Variants in CNBD1 observed in about 807,000 individuals in gnomAD.
CNBD1 encodes cyclic nucleotide binding domain containing 1, also known as cyclic nucleotide-binding domain-containing protein 1.
In CNBD1, 71 loss-of-function variants were observed where a neutral mutation model predicts 54.4. The observed-to-expected ratio is 1.30, with a 90% CI of 1.08 to 1.59. The LOEUF (loss-of-function observed/expected upper bound fraction) is 1.59, where lower values mean the gene tolerates loss of function less well. CNBD1 is among the 40% of genes most tolerant of loss of function. The probability of loss-of-function intolerance (pLI) is 0.00; values close to 1 mark genes in which losing one functional copy is unlikely to be tolerated. For missense variants in CNBD1, 659 were observed against 518.0 expected, an observed-to-expected ratio of 1.27 and a Z score of -2.64; for synonymous variants, 182 against 170.7, an observed-to-expected ratio of 1.07 and a Z score of -0.51.
At chr8:86,971,783 GCT>G (rs1808224395) in intron 4 of CNBD1, among the ~76,000 whole-genome samples, 3 of 151,880 alleles carry the variant, frequency 2.0e-5, no homozygotes, top group African/African-American at 7.3e-5. Context: ...TATTTCACTA[GCT>G]CTCTCTATAT....
intron 4 of CNBD1, among the ~76,000 whole-genome samples, chr8:87,086,548 G>C (rs1445126437): frequency 2.0e-5 from 3 of 152,102 alleles, no homozygotes; most frequent in Non-Finnish European, 4.4e-5. Context: ...GTTGTAATAA[G>C]TATATGAAGA....
chr8:87,275,081 T>C (rs1467935804), intron 6 of CNBD1, among the ~76,000 whole-genome samples: 3 of 135,816 alleles, frequency 2.2e-5, no homozygotes, highest in African/African-American at 5.9e-5. Context: ...ATCAGATAGC[T>C]GTAGATATGC....
At chr8:87,388,914 G>A (rs1387767971) in intron 2 of CNBD1, among the ~76,000 whole-genome samples, 1 of 152,128 alleles carries the variant, frequency 6.6e-6, no homozygotes, top group South Asian at 2.1e-4. Context: ...GATCAAGTGG[G>A]CTTCATCCCT....
Position 87,274,487 on chromosome 8 carries a change from A to G in CNBD1, c.772-10191A>G, listed in dbSNP as rs528869913. On this transcript the variant is annotated intron_variant, in intron 6 of 10. Coordinates refer to ENST00000518476, the MANE Select transcript of CNBD1 (RefSeq NM_173538.3). ...TCTAACTGGTGTGAGATGATATCTC[A>G]TTGTGGTTTTGATTTGCATTTCTCT... Among the ~76,000 whole-genome samples the G allele has an allele frequency of 1.7e-4, 25 of 148,488 alleles. 1 individual carries two copies. Among genetic ancestry groups the G allele is most frequent in the African/African-American group, 6.4e-4 (25 of 39,292 alleles).
At chr8:87,401,690 A>C (rs1256898299) in intron 2 of CNBD1, among the ~76,000 whole-genome samples, 1 of 152,056 alleles carries the variant, frequency 6.6e-6, no homozygotes, top group African/African-American at 2.4e-5. Flanking sequence ...AGCTACTTGC[A>C]AATCTCAATT....
rs539543984 is a variant in CNBD1, at chr8:86,930,590, G to A, written c.273-9006G>A. 4.6e-5 allele frequency among the ~76,000 whole-genome samples: 7 copies of A among 152,318 alleles called. 1 individual carries two copies. In the South Asian group the frequency reaches 8.3e-4, roughly 18 times the overall value. ...ACTGGGAGTCAGAGTGCAGAGGAAT[G>A]CAGAAGAAGGCATCCTTGAGGTCCA... On this transcript the variant is annotated intron_variant, in intron 3 of 10. Coordinates refer to ENST00000518476, the MANE Select transcript of CNBD1 (RefSeq NM_173538.3).
intron 4 of CNBD1, among the ~76,000 whole-genome samples, chr8:87,014,629 G>C (rs1809315196): frequency 2.0e-5 from 3 of 151,944 alleles, no homozygotes; most frequent in South Asian, 2.1e-4. Context: ...ATAAAATCTT[G>C]TAAACAAACT....
intron 2 of CNBD1, among the ~76,000 whole-genome samples, chr8:86,890,896 T>C (rs1808758576): frequency 6.6e-6 from 1 of 152,144 alleles, no homozygotes; most frequent in Admixed American, 6.5e-5. Flanking sequence ...ACATATGTCT[T>C]CTTTGGTAAA....
At chr8:87,144,160 A>G (rs532479444) in intron 4 of CNBD1, among the ~76,000 whole-genome samples, 1 of 152,350 alleles carries the variant, frequency 6.6e-6, no homozygotes, top group East Asian at 1.9e-4. Context: ...TCCTACGTTA[A>G]GCTTGGAACC....
intron 2 of CNBD1, among the ~76,000 whole-genome samples, chr8:87,412,449 T>C (rs1563592336): frequency 6.6e-6 from 1 of 152,100 alleles, no homozygotes; most frequent in Non-Finnish European, 1.5e-5. Flanking sequence ...CATGTGCAAG[T>C]GATTTTATTA....
At chr8:87,315,871 C>T (rs1028146775) in intron 8 of CNBD1, among the ~76,000 whole-genome samples, 3 of 151,782 alleles carry the variant, frequency 2.0e-5, no homozygotes, top group African/African-American at 7.3e-5. Context: ...GTTCCAATCA[C>T]AAAAAAGAAT....
chr8:87,392,863 C>T (rs1159707026), intron 2 of CNBD1, among the ~76,000 whole-genome samples: 1 of 151,856 alleles, frequency 6.6e-6, no homozygotes, highest in Non-Finnish European at 1.5e-5. Context: ...ATGATGATGT[C>T]TGGGACTAGC....
chr8:87,147,712 A>G (rs1206317947), intron 4 of CNBD1, among the ~76,000 whole-genome samples: 1 of 152,058 alleles, frequency 6.6e-6, no homozygotes, highest in Non-Finnish European at 1.5e-5. Flanking sequence ...CTATTTTTTT[A>G]GTACATGGGA....
At chr8:87,345,990 A>T (rs952951713) in intron 8 of CNBD1, among the ~76,000 whole-genome samples, 3 of 152,152 alleles carry the variant, frequency 2.0e-5, no homozygotes, top group Non-Finnish European at 2.9e-5. Context: ...TTACAGTTTC[A>T]TGGCCCTGAT....
At chr8:87,410,269 G>T (rs188877874) in intron 2 of CNBD1, among the ~76,000 whole-genome samples, 1 of 152,058 alleles carries the variant, frequency 6.6e-6, no homozygotes, top group South Asian at 2.1e-4. Flanking sequence ...AAGTAATTTC[G>T]ATTTTCAAGT....
At chr8:87,123,814 A>G (rs919290858) in intron 4 of CNBD1, among the ~76,000 whole-genome samples, 5 of 151,616 alleles carry the variant, frequency 3.3e-5, no homozygotes, top group African/African-American at 9.7e-5. Flanking sequence ...AATTAGAAAT[A>G]TAAGAGCACA....
chr8:87,020,348 C>G (rs139964143), intron 4 of CNBD1, among the ~76,000 whole-genome samples: 3 of 152,150 alleles, frequency 2.0e-5, no homozygotes, highest in African/African-American at 7.2e-5. Flanking sequence ...TACCACCAAT[C>G]AGACTACATG....
intron 2 of CNBD1, among the ~76,000 whole-genome samples, chr8:86,902,028 T>G (rs1250973476): frequency 1.3e-5 from 2 of 152,166 alleles, no homozygotes; most frequent in African/African-American, 2.4e-5. Context: ...TATATAAGCG[T>G]AGGCAGGTAA....
intron 4 of CNBD1, among the ~76,000 whole-genome samples, chr8:87,106,521 G>C (rs918009848): frequency 1.3e-5 from 2 of 152,078 alleles, no homozygotes; most frequent in African/African-American, 4.8e-5. Flanking sequence ...AATATTCGAT[G>C]TTTCTATAGA....
Sources: gnomAD v4.1 joint callset for allele counts (sites outside exome capture counted in the v4.1 genomes callset) on GRCh38, gnomAD v4.1.1 for gene constraint, MANE v1.5 for transcripts, NCBI Gene and HGNC (gene_info 2026-07-23, HGNC 2026-07-21) for gene names.